Variants in MCCC1 observed in about 807,000 individuals in gnomAD.
MCCC1 encodes methylcrotonoyl-CoA carboxylase subunit alpha, mitochondrial.
In MCCC1, 64 loss-of-function variants were observed where a neutral mutation model predicts 83.8. The ratio of observed to expected loss-of-function variants is 0.76; its 90% CI spans 0.62 to 0.94. The LOEUF (loss-of-function observed/expected upper bound fraction) is 0.94. Ranked by LOEUF, MCCC1 falls within the 40% of genes least tolerant of loss-of-function variation. The pLI is 0.00. For missense variants in MCCC1, 807 were observed against 904.7 expected (o/e 0.89, Z 1.39); for synonymous variants, 322 against 315.4 (o/e 1.02, Z -0.22).
chr3:183,055,213 C>T (rs368022242), intron 8 of MCCC1, among the ~76,000 whole-genome samples: 1 of 150,622 alleles, frequency 6.6e-6, no homozygotes, highest in Non-Finnish European at 1.5e-5. Context: ...ATCAGCCTGG[C>T]CAAGATGGTG....
At chr3:183,033,633 A>G (rs1415014702) in intron 14 of MCCC1, among the ~76,000 whole-genome samples, 1 of 152,218 alleles carries the variant, frequency 6.6e-6, no homozygotes, top group Non-Finnish European at 1.5e-5. Flanking sequence ...TTCTCGCTGC[A>G]GAAAAATTGC....
In MCCC1 at chr3:183,110,007, T is replaced by C. The variant is rs1396522676; in HGVS notation, c.-102+5467A>G. Among the ~76,000 whole-genome samples, 3 of 152,242 alleles carry C rather than the reference T, an allele frequency of 2.0e-5. No homozygotes were observed. In the South Asian group the frequency reaches 6.2e-4, roughly 31 times the overall value. ...TTTGTATTTCTCTAATGATTAGTGA[T>C]ATTGAGAATTTTTTTCATATATTTG... On this transcript the variant is annotated intron_variant, in intron 1 of 17. Transcript: ENST00000492597.
At chr3:183,025,865 G>T in intron 14 of MCCC1, 61 bp from the exon 15 acceptor site, 1 of 1,420,028 alleles carries the variant, frequency 7.0e-7, no homozygotes, top group Non-Finnish European at 9.9e-7. Flanking sequence ...TTTAATAACC[G>T]AGATATAAAG....
rs1321207924 is a variant in MCCC1, at chr3:183,086,714, C to A, written c.348G>T (p.Val116=). The A allele has an allele frequency of 6.2e-7, 1 of 1,614,142 alleles. No homozygotes were observed. The highest frequency in any genetic ancestry group is 8.5e-7 in the Non-Finnish European group (1 of 1,180,016). The change falls in exon 4 of 19, where the codon GTG becomes GTT. Residue 116 remains valine, a synonymous_variant. Transcript: ENST00000265594. ...TCACCTGTGCAGCAGAGGTCTTGGC[C>A]ACTTGAATGATTTTCTCCATAGATA... The part of the protein sequence containing the change: ...SYLSMEKIIQ[V]AKTSAAQAIH...
In MCCC1 at chr3:183,092,510, CTCT is replaced by C. The variant is rs752768997; in HGVS notation, c.169_171del (p.Arg57del). On this transcript the variant is annotated inframe_deletion, in exon 3 of 19. Transcript: ENST00000265594. ...CGCATCACCCTGCAGGCAATTTCTC[CTCT>C]GTTTGCAATGAGGACCTTGGTAATG... The C allele has an allele frequency of 6.2e-7, 1 of 1,614,066 alleles. No individual in the cohort carries two copies. Among genetic ancestry groups the C allele is most frequent in the African/African-American group, 1.3e-5 (1 of 74,934 alleles).
chr3:183,052,149 C>A lies in MCCC1; in HGVS notation c.955+10G>T, dbSNP rs1004658113. On this transcript the variant is annotated intron_variant, in intron 9 of 18. Transcript: ENST00000265594. The stretch of plus-strand genomic sequence containing the variant: ...TACGTCTCTTCCATTAGAAGCAAAT[C>A]TTAACCTACCTGCTCCAACATAATT... The A allele has an allele frequency of 6.2e-7, 1 of 1,613,574 alleles. No homozygotes were observed. Among genetic ancestry groups the A allele is most frequent in the East Asian group, 2.2e-5 (1 of 44,854 alleles).
intron 3 of MCCC1, among the ~76,000 whole-genome samples, chr3:183,089,711 G>C (rs1180504336): frequency 6.6e-6 from 1 of 152,076 alleles, no homozygotes; most frequent in African/African-American, 2.4e-5. Context: ...AACAGTACTT[G>C]GTCATTTACT....
rs1714041343 is a variant in MCCC1, at chr3:183,041,046, A to G, written c.1267+521T>C. 2.0e-5 allele frequency among the ~76,000 whole-genome samples: 3 copies of G among 152,234 alleles called. No homozygotes were observed. In the South Asian group the frequency reaches 6.2e-4, roughly 32 times the overall value. ...TCATGGTGAAAGGAACACAAGTAGA[A>G]AAATCACCTAGAGCAGTGCCTGTAA... On this transcript the variant is annotated intron_variant, in intron 11 of 18. Transcript: ENST00000265594.
At chr3:183,099,963 AG>A (rs1213145372), upstream of MCCC1, among the ~76,000 whole-genome samples, 6 of 152,224 alleles carry the variant, frequency 3.9e-5, no homozygotes, top group Admixed American at 3.9e-4. Context: ...TGGGAAAAAG[AG>A]GAAGTCAAAG....
At position 183,064,274 on chromosome 3, in the gene MCCC1, CTT is replaced by C. The variant is rs61109031; in HGVS notation, c.761+6723_761+6724del. ...GATGGGACTGCTAGAAAAGATCCCC[CTT>C]TTTTTTTTAATTCCAAGTGATAACT... On this transcript the variant is annotated intron_variant, in intron 7 of 18. Coordinates refer to ENST00000265594, the MANE Select transcript of MCCC1 (RefSeq NM_020166.5). The surrounding 1 kb of genome is among the most constrained non-coding windows in gnomAD (Gnocchi z 4.5). Among the ~76,000 whole-genome samples, 6 of 151,480 alleles carry C rather than the reference CTT, an allele frequency of 4.0e-5. No individual in the cohort carries two copies. Among genetic ancestry groups the C allele is most frequent in the South Asian group, 2.1e-4 (1 of 4,788 alleles).
At chr3:183,042,460 T>G (rs941150869) in intron 10 of MCCC1, among the ~76,000 whole-genome samples, 2 of 152,198 alleles carry the variant, frequency 1.3e-5, no homozygotes, top group African/African-American at 4.8e-5. Context: ...TACTCTTAAG[T>G]TTTTTTCCAA....
In MCCC1 at chr3:183,076,192, A is replaced by G. The variant is rs184427215; in HGVS notation, c.370-3705T>C. Among the ~76,000 whole-genome samples the G allele has an allele frequency of 4.4e-3, 675 of 152,334 alleles. 5 individuals carry two copies. Among genetic ancestry groups the G allele is most frequent in the Middle Eastern group, 0.014 (4 of 294 alleles). ...CACTTGAAAAAGTTCCCATGTGCCCATGTGCAATCTGTTCCCAATACCCAA... is the reference window on the plus strand; with the variant it reads ...CACTTGAAAAAGTTCCCATGTGCCCGTGTGCAATCTGTTCCCAATACCCAA... On this transcript the variant is annotated intron_variant, in intron 4 of 18. Coordinates refer to ENST00000265594, the MANE Select transcript of MCCC1 (RefSeq NM_020166.5).
chr3:183,045,690 C>T, intron 9 of MCCC1, 150 bp from the exon 10 acceptor site: 1 of 849,374 alleles, frequency 1.2e-6, no homozygotes, highest in Non-Finnish European at 1.9e-6. Context: ...GCATTTGCAG[C>T]AGCATATGAA....
intron 3 of MCCC1, among the ~76,000 whole-genome samples, chr3:183,089,655 G>T (rs1029573326): frequency 6.6e-6 from 1 of 152,044 alleles, no homozygotes; most frequent in Admixed American, 6.6e-5. Flanking sequence ...GTTATAGGTG[G>T]GAGGGGGTGG....
intron 1 of MCCC1, among the ~76,000 whole-genome samples, chr3:183,108,260 C>T (rs1023611832): frequency 1.3e-5 from 2 of 152,136 alleles, no homozygotes; most frequent in African/African-American, 2.4e-5. Context: ...TTTTCTTTAA[C>T]CTGTTCATCT....
At chr3:183,100,849 C>T (rs906425992), upstream of MCCC1, among the ~76,000 whole-genome samples, 1 of 152,236 alleles carries the variant, frequency 6.6e-6, no homozygotes, top group African/African-American at 2.4e-5. Flanking sequence ...CCTTTCTGGG[C>T]TGGCCAAGGC....
exon 1 of MCCC1, chr3:183,115,723 G>C (rs1195945820): frequency 6.6e-6 from 1 of 152,122 alleles, no homozygotes; most frequent in Non-Finnish European, 1.5e-5. Flanking sequence ...ATGGTGTTGG[G>C]CGCCTGTAAT....
intron 1 of MCCC1, among the ~76,000 whole-genome samples, chr3:183,106,837 C>T (rs1390128168): frequency 6.6e-6 from 1 of 152,030 alleles, no homozygotes; most frequent in Non-Finnish European, 1.5e-5. Context: ...ATCTTTCTCT[C>T]TCTCCCTCTC....
At chr3:183,052,997 G>A (rs1321338412) in intron 8 of MCCC1, among the ~76,000 whole-genome samples, 2 of 151,886 alleles carry the variant, frequency 1.3e-5, no homozygotes, top group African/African-American at 2.4e-5. Context: ...TCCTTCAGGA[G>A]ATATTTCAGA....
Sources: allele counts gnomAD v4.1 joint callset (sites outside exome capture counted in the v4.1 genomes callset), GRCh38; gene constraint gnomAD v4.1.1; non-coding constraint Gnocchi (gnomAD v3.1); transcripts MANE v1.5; gene names NCBI Gene and HGNC (gene_info 2026-07-23, HGNC 2026-07-21).